The following STATH variants were observed in gnomAD, a reference collection of about 807,000 sequenced individuals.
STATH encodes the protein statherin.
A neutral mutation model predicts 13.3 loss-of-function variants in STATH; 11 were observed. The observed-to-expected ratio is 0.83, with a 90% CI of 0.52 to 1.37. The LOEUF is 1.37. Ranked by LOEUF, STATH falls within the 40% of genes most tolerant of loss-of-function variation. The pLI, the probability that STATH is intolerant of heterozygous loss-of-function variation, is 0.00. For missense variants in STATH, 78 were observed against 73.3 expected (o/e 1.06, Z -0.24); for synonymous variants, 25 against 23.6 (o/e 1.06, Z -0.17).
chr4:69,999,625 A>G, intron 2 of STATH, 42 bp from the exon 3 acceptor site: 1 of 1,591,834 alleles, frequency 6.3e-7, no homozygotes, highest in Non-Finnish European at 8.6e-7. Context: ...TGGAATTATA[A>G]CATTAAGATA....
At chr4:69,997,241 C>T (rs1237220702) in intron 1 of STATH, among the ~76,000 whole-genome samples, 4 of 151,956 alleles carry the variant, frequency 2.6e-5, no homozygotes, top group African/African-American at 9.7e-5. Context: ...CCACCACACC[C>T]GGCCAGAAAT....
chr4:69,998,646 C>T (rs2109681410), intron 2 of STATH, 158 bp downstream of exon 2: 1 of 485,150 alleles, frequency 2.1e-6, no homozygotes, highest in Non-Finnish European at 3.6e-6. Context: ...CCTACATAAG[C>T]TATATAAGGA....
chr4:69,999,339 GC>G (rs1490666985), intron 2 of STATH, among the ~76,000 whole-genome samples: 1 of 151,852 alleles, frequency 6.6e-6, no homozygotes, highest in Non-Finnish European at 1.5e-5. Flanking sequence ...TGTGTAAGTA[GC>G]CTTTGAGCTG....
At chr4:70,000,612 G>A (rs1023261864) in intron 4 of STATH, among the ~76,000 whole-genome samples, 2 of 151,644 alleles carry the variant, frequency 1.3e-5, no homozygotes, top group African/African-American at 2.4e-5. Flanking sequence ...GCCTATAATC[G>A]GTGTTCCTGC....
chr4:69,997,581 G>A (rs530133553), intron 1 of STATH, among the ~76,000 whole-genome samples: 4 of 152,084 alleles, frequency 2.6e-5, no homozygotes, highest in South Asian at 4.2e-4. Flanking sequence ...ATAATCTAAC[G>A]TTTTTTGTTT....
At position 69,998,433 on chromosome 4, in the gene STATH, C is replaced by A. The variant is rs1724565273; in HGVS notation, c.-5C>A. On this transcript the variant is annotated 5_prime_UTR_variant, in exon 2 of 6. Transcript: ENST00000246895. ...CACATATGTTTTCAGAGAACCCAGC[C>A]AACTATGAAGTTCCTTGTCTTTGCC... is the stretch of plus-strand genomic sequence containing the variant. 1 of 1,611,114 alleles carries A rather than the reference C, an allele frequency of 6.2e-7. No individual in the cohort carries two copies. The highest frequency in any genetic ancestry group is 8.5e-7 in the Non-Finnish European group (1 of 1,178,470).
chr4:70,002,189 G>A lies in STATH; in HGVS notation c.*34G>A, dbSNP rs1724687166. On this transcript the variant is annotated splice_region_variant and 3_prime_UTR_variant, in exon 6 of 6. Coordinates refer to ENST00000246895, the MANE Select transcript of STATH (RefSeq NM_003154.3). ...CTGTTATTTTTTTTTTTCTGTGCAG[G>A]CTTGATTGGCAAATACGACTTCTAC... 1 of 151,084 alleles carries A rather than the reference G, an allele frequency of 6.6e-6. No individual in the cohort carries two copies. The highest frequency in any genetic ancestry group is 1.5e-5 in the Non-Finnish European group (1 of 67,600). The allele number at this position is 151,084 out of a possible 1,614,324, so 9.4% of individuals were successfully genotyped here.
intron 5 of STATH, 82 bp downstream of exon 5, chr4:70,001,064 A>G: frequency 1.1e-6 from 1 of 917,164 alleles, no homozygotes. Flanking sequence ...ACAAGACATT[A>G]AACCAACAGC....
chr4:69,996,731 G>T (rs947860335), intron 1 of STATH, among the ~76,000 whole-genome samples: 1 of 151,386 alleles, frequency 6.6e-6, no homozygotes, highest in Non-Finnish European at 1.5e-5. Context: ...GTTTATCAAG[G>T]TTAGTAAAAC....
In STATH at chr4:70,000,936, A is replaced by C. The variant is rs199762453; in HGVS notation, c.176A>C (p.Gln59Pro). The stretch of plus-strand genomic sequence containing the variant: ...CAACCATACCAACCACAATACCAAC[A>C]ATATACCTTTTAATATCATCAGTAA... ...YPQPYQPQYQ[Q>P]YTF is the part of the protein sequence containing the mutation. The change falls in exon 5 of 6, where the codon CAA becomes CCA. Residue 59 changes from glutamine (Q) to proline (P), a missense_variant. Physicochemically the swap from Gln to Pro is moderately conservative, Grantham distance 76 (BLOSUM62 -1). Transcript: ENST00000246895. 5.6e-6 allele frequency: 9 copies of C among 1,611,782 alleles called. No individual in the cohort carries two copies. The highest frequency in any genetic ancestry group is 7.6e-6 in the Non-Finnish European group (9 of 1,178,244).
At chr4:69,996,257 A>G (rs776824) in intron 1 of STATH, among the ~76,000 whole-genome samples, 115,029 of 151,920 alleles carry the variant, frequency 0.76, 44,185 homozygotes, top group African/African-American at 0.89. Context: ...GAATATGGAG[A>G]CATATTCCAA....
chr4:70,001,171 A>G (rs1459509879), intron 5 of STATH, among the ~76,000 whole-genome samples, 189 bp downstream of exon 5: 2 of 151,780 alleles, frequency 1.3e-5, no homozygotes, highest in East Asian at 1.9e-4. Context: ...CTATGGTTAG[A>G]AGGCAGTGTT....
At chr4:70,001,737 A>G (rs539140141) in intron 5 of STATH, among the ~76,000 whole-genome samples, 27 of 151,834 alleles carry the variant, frequency 1.8e-4, no homozygotes, top group Non-Finnish European at 3.5e-4. Context: ...AAAATAGTCC[A>G]AAGGATTTCA....
intron 1 of STATH, among the ~76,000 whole-genome samples, chr4:69,997,759 T>C (rs1272475125): frequency 6.6e-6 from 1 of 152,140 alleles, no homozygotes; most frequent in African/African-American, 2.4e-5. Context: ...TCTTATCAGT[T>C]TGATTGTTCT....
At chr4:69,996,920 A>C (rs1172464732) in intron 1 of STATH, among the ~76,000 whole-genome samples, 1 of 141,514 alleles carries the variant, frequency 7.1e-6, no homozygotes, top group Admixed American at 7.6e-5. Flanking sequence ...CTAATACCAG[A>C]AATTTCCTTT....
At chr4:69,998,796 A>G (rs1578160581) in intron 2 of STATH, 1 of 197,190 alleles carries the variant, frequency 5.1e-6, no homozygotes, top group South Asian at 1.8e-4. Flanking sequence ...GTAATGCTCT[A>G]GACAATCTGA....
intron 4 of STATH, 105 bp from the exon 5 acceptor site, chr4:70,000,758 A>C: frequency 1.3e-6 from 1 of 791,928 alleles, no homozygotes; most frequent in South Asian, 1.6e-5. Context: ...CTTATAAGTA[A>C]TATGTAAGTT....
At chr4:69,999,582 C>A in intron 2 of STATH, 85 bp from the exon 3 acceptor site, 2 of 1,354,714 alleles carry the variant, frequency 1.5e-6, no homozygotes, top group South Asian at 2.5e-5. Flanking sequence ...TTACTCACAA[C>A]TGTAGCTGCT....
intron 1 of STATH, among the ~76,000 whole-genome samples, chr4:69,997,457 A>T (rs114259003): frequency 0.02 from 3,031 of 152,192 alleles, 99 homozygotes; most frequent in African/African-American, 0.068. Context: ...CTTTATATGA[A>T]TTACTCTATA....
Sources: gnomAD v4.1 joint callset for allele counts (sites outside exome capture counted in the v4.1 genomes callset) on GRCh38, gnomAD v4.1.1 for gene constraint, MANE v1.5 for transcripts, NCBI Gene and HGNC (gene_info 2026-07-23, HGNC 2026-07-21) for gene names.